Variants in TRPM1 observed in about 807,000 individuals in gnomAD.
The protein encoded by TRPM1 is TRPM1-203 APA Isoform, Intron 10.
In TRPM1, 113 loss-of-function variants were observed where a neutral mutation model predicts 149.4. That is an observed-to-expected ratio of 0.76 (90% CI 0.65 to 0.88). TRPM1 has a LOEUF of 0.88. Ranked by LOEUF, TRPM1 falls within the 40% of genes least tolerant of loss-of-function variation. The pLI, the probability that TRPM1 is intolerant of heterozygous loss-of-function variation, is 0.00. For synonymous variants in TRPM1, 741 were observed against 759.5 expected (o/e 0.98, Z 0.40); for missense variants, 1,976 against 2,038.7 (o/e 0.97, Z 0.59).
intron 1 of TRPM1, among the ~76,000 whole-genome samples, chr15:31,139,614 G>A (rs543484610): frequency 3.3e-5 from 5 of 152,230 alleles, no homozygotes; most frequent in South Asian, 2.1e-4. Context: ...CTTTTTGTTC[G>A]TGTGACTTGG....
In TRPM1 at chr15:31,116,144, G is replaced by C. The variant is rs527679263; in HGVS notation, c.55-39160C>G. Among the ~76,000 whole-genome samples the C allele has an allele frequency of 3.9e-5, 6 of 152,202 alleles. No individual in the cohort carries two copies. The South Asian group carries it at 1.0e-3, about 26-fold the overall frequency. ...AGCCATAGCAGAGCCTAACCAATGT[G>C]GGGGAGGAAAAATACCAAACTGCAG... On this transcript the variant is annotated intron_variant, in intron 1 of 26. Coordinates refer to the TRPM1 transcript ENST00000542188.
chr15:31,135,498 T>C (rs2036076399), intron 1 of TRPM1, among the ~76,000 whole-genome samples: 1 of 152,116 alleles, frequency 6.6e-6, no homozygotes, highest in African/African-American at 2.4e-5. Context: ...ATGAAATAAT[T>C]AGAAATGCAA....
chr15:31,120,767 A>C (rs1383458944), intron 1 of TRPM1, among the ~76,000 whole-genome samples: 1 of 152,160 alleles, frequency 6.6e-6, no homozygotes, highest in African/African-American at 2.4e-5. Flanking sequence ...GAAATCCTTA[A>C]ATAGTTGGAG....
chr15:31,014,485 C>T (rs1205136471), intron 27 of TRPM1, among the ~76,000 whole-genome samples: 1 of 152,218 alleles, frequency 6.6e-6, no homozygotes, highest in East Asian at 1.9e-4. Context: ...GAGGATAGGA[C>T]AGGGCTAAGT....
At chr15:31,063,408 T>C (rs1031076234) in intron 7 of TRPM1, 116 bp from the exon 8 acceptor site, 1 of 1,341,974 alleles carries the variant, frequency 7.5e-7, no homozygotes, top group Non-Finnish European at 1.1e-6. Context: ...GGATGTTCTA[T>C]CTGGCTGGAA....
chr15:31,087,037 G>T (rs2035020242), intron 1 of TRPM1, among the ~76,000 whole-genome samples: 1 of 151,884 alleles, frequency 6.6e-6, no homozygotes, highest in Admixed American at 6.6e-5. Flanking sequence ...ACTATCTCAT[G>T]CCCATTAGGA....
Position 31,136,460 on chromosome 15 carries a change from G to A in TRPM1, c.54+24446C>T, listed in dbSNP as rs77507128. Among the ~76,000 whole-genome samples the A allele has an allele frequency of 8.1e-3, 1,232 of 152,322 alleles. 10 individuals carry two copies. The highest frequency in any genetic ancestry group is 0.014 in the Middle Eastern group (4 of 294). ...CTTTCAAGCACATGGAATGCCATGTGTGGTAAATCCAGTTCCCACCCTCTA... is the reference window on the plus strand; with the variant it reads ...CTTTCAAGCACATGGAATGCCATGTATGGTAAATCCAGTTCCCACCCTCTA... On this transcript the variant is annotated intron_variant, in intron 1 of 26. Coordinates refer to the TRPM1 transcript ENST00000542188.
At chr15:31,061,625 A>G (rs2034234895) in intron 9 of TRPM1, 111 bp from the exon 10 acceptor site, 2 of 878,016 alleles carry the variant, frequency 2.3e-6, no homozygotes, top group Admixed American at 1.9e-5. Flanking sequence ...GATCCTGAGC[A>G]CTAAACAGTT....
chr15:31,037,668 T>C (rs1271895923), intron 20 of TRPM1, 43 bp downstream of exon 20: 1 of 1,614,112 alleles, frequency 6.2e-7, no homozygotes, highest in Non-Finnish European at 8.5e-7. Context: ...TATCAAAGCA[T>C]TCAAAATATA....
intron 1 of TRPM1, among the ~76,000 whole-genome samples, chr15:31,088,173 G>A (rs1011581495): frequency 7.2e-5 from 11 of 152,024 alleles, no homozygotes; most frequent in East Asian, 3.9e-4. Flanking sequence ...GGTTTGTAAC[G>A]CACCAATCAG....
At chr15:31,037,540 G>A (rs886684995) in intron 20 of TRPM1, among the ~76,000 whole-genome samples, 171 bp downstream of exon 20, 3 of 152,232 alleles carry the variant, frequency 2.0e-5, no homozygotes, top group Middle Eastern at 6.8e-3. Flanking sequence ...ACAGGATATC[G>A]AGATCCAATG....
intron 11 of TRPM1, among the ~76,000 whole-genome samples, chr15:31,058,349 A>G (rs561299210): frequency 6.6e-6 from 1 of 152,354 alleles, no homozygotes; most frequent in South Asian, 2.1e-4. Context: ...TAGTTGGTGA[A>G]TGATGGAAAC....
intron 11 of TRPM1, among the ~76,000 whole-genome samples, chr15:31,059,255 A>G (rs1292207239): frequency 6.6e-6 from 1 of 152,218 alleles, no homozygotes; most frequent in African/African-American, 2.4e-5. Context: ...CAATGTGTGG[A>G]AGCAACTTCC....
intron 23 of TRPM1, 55 bp from the exon 24 acceptor site, chr15:31,029,446 G>A: frequency 6.3e-7 from 1 of 1,577,260 alleles, no homozygotes; most frequent in Non-Finnish European, 8.7e-7. Flanking sequence ...GACAGGAGGG[G>A]AGGAAAGAAA....
At chr15:31,079,512 G>A (rs1182676395) in intron 2 of TRPM1, among the ~76,000 whole-genome samples, 1 of 152,250 alleles carries the variant, frequency 6.6e-6, no homozygotes, top group Non-Finnish European at 1.5e-5. Context: ...CCCTCTGAGT[G>A]CGCAAGCAAA....
intron 1 of TRPM1, among the ~76,000 whole-genome samples, chr15:31,090,570 G>A (rs932802055): frequency 9.2e-5 from 14 of 151,944 alleles, no homozygotes; most frequent in African/African-American, 3.1e-4. Context: ...CTGGGAGGCA[G>A]AGGTTACGGT....
chr15:31,077,731 G>C (rs768798460), intron 2 of TRPM1, among the ~76,000 whole-genome samples: 2 of 151,956 alleles, frequency 1.3e-5, no homozygotes, highest in Non-Finnish European at 2.9e-5. Flanking sequence ...GTGGATGTAT[G>C]ATGTGTGTGT....
chr15:31,085,267 C>A (rs1057150431), intron 1 of TRPM1, among the ~76,000 whole-genome samples: 6 of 152,212 alleles, frequency 3.9e-5, no homozygotes, highest in Non-Finnish European at 7.4e-5. Flanking sequence ...CTCATGGTTA[C>A]ATCCTTGGCA....
At chr15:31,090,115 C>T (rs866297007) in intron 1 of TRPM1, among the ~76,000 whole-genome samples, 4 of 152,174 alleles carry the variant, frequency 2.6e-5, no homozygotes, top group Non-Finnish European at 4.4e-5. Flanking sequence ...GCAGTAACCC[C>T]CATGAACACT....
Sources: allele counts gnomAD v4.1 joint callset (sites outside exome capture counted in the v4.1 genomes callset), GRCh38; gene constraint gnomAD v4.1.1; transcripts MANE v1.5; gene names NCBI Gene and HGNC (gene_info 2026-07-23, HGNC 2026-07-21).